Variants in ATXN2 observed in about 807,000 individuals in gnomAD.
ATXN2 encodes the protein ataxin-2.
A neutral mutation model predicts 138.6 loss-of-function variants in ATXN2; 37 were observed. The ratio of observed to expected loss-of-function variants is 0.27; its 90% CI spans 0.21 to 0.35. The LOEUF is 0.35. ATXN2 is among the 10% of genes least tolerant of loss of function. ATXN2 has a pLI of 1.00. For missense variants in ATXN2, 1,216 were observed against 1,480.3 expected (o/e 0.82, Z 2.93); for synonymous variants, 549 against 543.7 (o/e 1.01, Z -0.13).
In ATXN2 at chr12:111,457,342, C is replaced by T. The variant is rs373299309; in HGVS notation, c.2914G>A (p.Ala972Thr). 9.9e-6 allele frequency: 16 copies of T among 1,610,026 alleles called. No individual in the cohort carries two copies. Among genetic ancestry groups the T allele is most frequent in the Non-Finnish European group, 1.4e-5 (16 of 1,178,412 alleles). ...GCGTTAGGGTGCGCATACTGCTGAG[C>T]AAGGGAGCCCGTGGAAACTAAAGTG... ...FYFAISTGSL[A>T]QQYAHPNATL... Residue 972 changes from alanine to threonine, a missense_variant, in exon 22 of 25, where the codon GCT (alanine) becomes ACT (threonine). By Grantham distance (58) the Ala-to-Thr change is moderately conservative. Around this residue, in one of 4 missense-constraint regions of ATXN2, gnomAD observed 490 missense variants for 653.5 expected, o/e 0.75. Coordinates refer to ENST00000673436, the MANE Select transcript of ATXN2 (RefSeq NM_001372574.1).
At position 111,470,119 on chromosome 12, in the gene ATXN2, T is replaced by C. The variant is rs756774592; in HGVS notation, c.2831A>G (p.His944Arg). 6.2e-7 allele frequency: 1 copy of C among 1,613,852 alleles called. No homozygotes were observed. Among genetic ancestry groups the C allele is most frequent in the Non-Finnish European group, 8.5e-7 (1 of 1,179,954 alleles). ...AAAGTGCTTCCTACCATACATCGCA[T>C]GCGTCTGCTCATGAGCCCCGTACTG... ...ATQYGAHEQTHAMYACPKLPY... is the reference protein window; with the variant it reads ...ATQYGAHEQTRAMYACPKLPY... The change falls in exon 20 of 25, where the codon CAT becomes CGT. Residue 944 changes from histidine (H) to arginine (R), a missense_variant. By Grantham distance (29) the His-to-Arg change is conservative (BLOSUM62 0). This residue lies in a region of ATXN2 where 490 missense variants were observed against 653.5 expected (regional missense o/e 0.75). Coordinates refer to ENST00000673436, the MANE Select transcript of ATXN2 (RefSeq NM_001372574.1).
At chr12:111,593,318 CT>C in intron 1 of ATXN2, among the ~76,000 whole-genome samples, 1 of 152,226 alleles carries the variant, frequency 6.6e-6, no homozygotes, top group African/African-American at 2.4e-5. Flanking sequence ...TAGTCTCAAA[CT>C]CCTGACCCCA....
chr12:111,526,280 C>T lies in ATXN2; in HGVS notation c.572-964G>A, dbSNP rs957969168. On this transcript the variant is annotated intron_variant, in intron 5 of 24. Coordinates refer to ENST00000673436, the MANE Select transcript of ATXN2 (RefSeq NM_001372574.1). ...CTGAGGAAGGAGAATCGTTTGAACC[C>T]GGGAGGTGGAGGTTGCAATGAATGG... 9.8e-4 allele frequency among the ~76,000 whole-genome samples: 148 copies of T among 151,128 alleles called. 1 individual carries two copies. The highest frequency in any genetic ancestry group is 3.4e-3 in the Middle Eastern group (1 of 292).
At chr12:111,570,875 TAATG>T (rs1482955617) in intron 1 of ATXN2, among the ~76,000 whole-genome samples, 2 of 152,198 alleles carry the variant, frequency 1.3e-5, no homozygotes, top group African/African-American at 4.8e-5. Flanking sequence ...TATACAAACT[TAATG>T]AAACGCTAAA....
chr12:111,501,331 G>T (rs1878747346), intron 14 of ATXN2, among the ~76,000 whole-genome samples: 1 of 152,070 alleles, frequency 6.6e-6, no homozygotes, highest in Non-Finnish European at 1.5e-5. Flanking sequence ...AAGAAAACAG[G>T]AATGGCTGAA....
rs1419514086 is a variant in ATXN2 at position 111,598,946 on chromosome 12, G to C, written c.89C>G (p.Pro30Arg). Reference sequence around the variant, plus strand: ...CTTGCGGACATTGGCAGCCGCGGGCGGCGGCTGCTGCTGCTGCTGCTGCTG... The same window carrying C: ...CTTGCGGACATTGGCAGCCGCGGGCCGCGGCTGCTGCTGCTGCTGCTGCTG... ...QQQQQQQQQP[P>R]PAAANVRKPG... is the part of the protein sequence containing the mutation. Residue 30 changes from proline to arginine, a missense_variant, in exon 1 of 25, where the codon CCG becomes CGG. Transcript: ENST00000673436. This position sits in a 1 kb window ranked among gnomAD's most constrained non-coding sequence, Gnocchi z 4.5. 1 of 1,421,406 alleles carries C rather than the reference G, an allele frequency of 7.0e-7. No homozygotes were observed. The highest frequency in any genetic ancestry group is 2.6e-5 in the Admixed American group (1 of 38,616). 88.0% of individuals were successfully genotyped at this position (1,421,406 alleles called of 1,614,324 possible).
chr12:111,550,219 A>T (rs1882052974), intron 5 of ATXN2, among the ~76,000 whole-genome samples: 1 of 152,202 alleles, frequency 6.6e-6, no homozygotes, highest in Non-Finnish European at 1.5e-5. Flanking sequence ...TGTCACTCTG[A>T]TCTGTATTTT....
At chr12:111,592,193 C>T (rs529082527) in intron 1 of ATXN2, among the ~76,000 whole-genome samples, 1 of 151,878 alleles carries the variant, frequency 6.6e-6, no homozygotes, top group South Asian at 2.1e-4. Context: ...AGTTCAAGAG[C>T]AGCCTGGCCA....
chr12:111,503,780 G>C (rs1331234375), intron 14 of ATXN2, among the ~76,000 whole-genome samples: 1 of 151,874 alleles, frequency 6.6e-6, no homozygotes, highest in Admixed American at 6.6e-5. Context: ...AATAAAGATA[G>C]GGTTTCGCCA....
intron 14 of ATXN2, among the ~76,000 whole-genome samples, chr12:111,495,543 T>C (rs1427457622): frequency 5.3e-5 from 8 of 152,146 alleles, no homozygotes. Flanking sequence ...CAAGAGGTTA[T>C]AACAAGTATA....
Position 111,487,831 on chromosome 12 carries a change from T to A in ATXN2, c.2240+645A>T, listed in dbSNP as rs1054911618. 3.2e-4 allele frequency among the ~76,000 whole-genome samples: 48 copies of A among 152,054 alleles called. 1 individual carries two copies. The highest frequency in any genetic ancestry group is 1.1e-3 in the African/African-American group (47 of 41,408). On this transcript the variant is annotated intron_variant, in intron 15 of 24. Transcript: ENST00000673436. ...TGACATACCTGGAAAAAGTCATGGC[T>A]GTAAAAAAAAATTGCCTCAAATCAA... is the stretch of plus-strand genomic sequence containing the variant.
chr12:111,481,723 T>G, intron 18 of ATXN2, among the ~76,000 whole-genome samples: 1 of 152,152 alleles, frequency 6.6e-6, no homozygotes, highest in South Asian at 2.1e-4. Context: ...TGGTGTGATC[T>G]CAGCTCACTG....
chr12:111,563,311 A>G (rs1480829058), intron 1 of ATXN2, among the ~76,000 whole-genome samples: 1 of 152,166 alleles, frequency 6.6e-6, no homozygotes, highest in African/African-American at 2.4e-5. Context: ...GTGTGTATAT[A>G]TATGTGTATA....
chr12:111,577,741 C>T (rs2135824126), intron 1 of ATXN2, among the ~76,000 whole-genome samples: 1 of 151,524 alleles, frequency 6.6e-6, no homozygotes, highest in East Asian at 2.0e-4. Flanking sequence ...AGTCTTAACT[C>T]CTAACCACAG....
At chr12:111,584,630 G>C (rs772710626) in intron 1 of ATXN2, among the ~76,000 whole-genome samples, 1 of 151,870 alleles carries the variant, frequency 6.6e-6, no homozygotes, top group African/African-American at 2.4e-5. Flanking sequence ...AAGAGATCAA[G>C]ACTATCCTGG....
chr12:111,559,239 T>C (rs1175617454), intron 1 of ATXN2, among the ~76,000 whole-genome samples: 1 of 151,304 alleles, frequency 6.6e-6, no homozygotes, highest in Admixed American at 6.6e-5. Flanking sequence ...TAGCTAGGAC[T>C]ACAGGTACGC....
intron 5 of ATXN2, among the ~76,000 whole-genome samples, chr12:111,547,452 G>A (rs561546456): frequency 3.0e-4 from 45 of 151,956 alleles, no homozygotes; most frequent in African/African-American, 9.6e-4. Flanking sequence ...CTGGCTGGGC[G>A]CGGTGGCTCA....
chr12:111,546,165 T>C (rs1335806874), intron 5 of ATXN2, among the ~76,000 whole-genome samples: 2 of 152,182 alleles, frequency 1.3e-5, no homozygotes, highest in Non-Finnish European at 1.5e-5. Context: ...AATCGCAGGA[T>C]ATTATACAGT....
In ATXN2 at chr12:111,598,750, C is replaced by T; in HGVS notation, c.251+34G>A. 8.5e-7 allele frequency: 1 copy of T among 1,176,720 alleles called. No homozygotes were observed. Among genetic ancestry groups the T allele is most frequent in the Non-Finnish European group, 1.0e-6 (1 of 952,828 alleles). 72.9% of individuals were successfully genotyped at this position (1,176,720 alleles called of 1,614,324 possible). On this transcript the variant is annotated intron_variant, in intron 1 of 24. Coordinates refer to ENST00000673436, the MANE Select transcript of ATXN2 (RefSeq NM_001372574.1). The surrounding 1 kb of genome is among the most constrained non-coding windows in gnomAD (Gnocchi z 4.5). Reference sequence around the variant, plus strand: ...GGCCGCGGGGGAGGGGACGCCGGGCCCGGAGCGGAGGGGGCTGGGGTGCCG... The same window carrying T: ...GGCCGCGGGGGAGGGGACGCCGGGCTCGGAGCGGAGGGGGCTGGGGTGCCG...
Sources: gnomAD v4.1 joint callset for allele counts (sites outside exome capture counted in the v4.1 genomes callset) on GRCh38, gnomAD v4.1.1 for gene constraint, gnomAD v4.1.1 regional missense constraint, Gnocchi (gnomAD v3.1) non-coding constraint, MANE v1.5 for transcripts, NCBI Gene and HGNC (gene_info 2026-07-23, HGNC 2026-07-21) for gene names.